The following AGO3 variants were observed in gnomAD, a reference collection of about 807,000 sequenced individuals.
AGO3 encodes protein argonaute-3.
A neutral mutation model predicts 105.5 loss-of-function variants in AGO3; 16 were observed. The ratio of observed to expected loss-of-function variants is 0.15; its 90% confidence interval spans 0.10 to 0.23. The LOEUF is 0.23. Among genes scored for constraint, AGO3 ranks in the 10% least tolerant of loss-of-function variants. The pLI, the probability that AGO3 is intolerant of heterozygous loss-of-function variation, is 1.00. For missense variants in AGO3, 534 were observed against 1,088.0 expected (o/e 0.49, Z 7.16); for synonymous variants, 340 against 367.3 (o/e 0.93, Z 0.85).
At chr1:36,004,196 C>A (rs1640237264) in intron 5 of AGO3, 145 bp from the exon 6 acceptor site, 2 of 734,356 alleles carry the variant, frequency 2.7e-6, no homozygotes, top group Non-Finnish European at 4.0e-6. Flanking sequence ...CAAATTAAAA[C>A]TGCTTAATTT....
rs1201995192 is a variant in AGO3, at chr1:36,008,645, TAC to T, written c.794-43_794-42del. 3.8e-6 allele frequency: 6 copies of T among 1,568,662 alleles called. No individual in the cohort carries two copies. Among genetic ancestry groups the T allele is most frequent in the Non-Finnish European group, 5.3e-6 (6 of 1,142,554 alleles). On this transcript the variant is annotated intron_variant, in intron 6 of 18. Coordinates refer to ENST00000373191, the MANE Select transcript of AGO3 (RefSeq NM_024852.4). The surrounding 1 kb of genome is among the most constrained non-coding windows in gnomAD (Gnocchi z 5.1). ...ACAGGCTTTATAAGTATAAATATTTTACATGTGACAGTTCTGTAACCTCCATT... is the reference window on the plus strand; with the variant it reads ...ACAGGCTTTATAAGTATAAATATTTTATGTGACAGTTCTGTAACCTCCATT...
intron 1 of AGO3, among the ~76,000 whole-genome samples, chr1:35,940,806 C>A (rs879868891): frequency 6.6e-6 from 1 of 152,218 alleles, no homozygotes; most frequent in Non-Finnish European, 1.5e-5. Flanking sequence ...GTACCACTCT[C>A]TCCAGGTCCT....
At chr1:36,016,898 C>G (rs994248443) in intron 11 of AGO3, among the ~76,000 whole-genome samples, 4 of 152,030 alleles carry the variant, frequency 2.6e-5, no homozygotes, top group Non-Finnish European at 5.9e-5. Context: ...CTGTTGGGGC[C>G]TCATGCATGA....
At position 36,023,964 on chromosome 1, in the gene AGO3, A is replaced by G. The variant is rs1383362762; in HGVS notation, c.1407-3150A>G. Reference sequence around the variant, plus strand: ...CAGTTCAGTTTCTTTTTAATCAGCAATTTTCACATTACCTAACAATCTCTT... The same window carrying G: ...CAGTTCAGTTTCTTTTTAATCAGCAGTTTTCACATTACCTAACAATCTCTT... On this transcript the variant is annotated intron_variant, in intron 11 of 18. Transcript: ENST00000373191. Among the ~76,000 whole-genome samples, 6 of 151,920 alleles carry G rather than the reference A, an allele frequency of 3.9e-5. 1 individual carries two copies. In the South Asian group the frequency reaches 1.0e-3, roughly 26 times the overall value.
intron 12 of AGO3, among the ~76,000 whole-genome samples, chr1:36,029,623 C>T (rs917851299): frequency 2.0e-5 from 3 of 151,326 alleles, no homozygotes; most frequent in Admixed American, 6.6e-5. Context: ...GTCTCAATCT[C>T]ATGACCTTGT....
intron 5 of AGO3, among the ~76,000 whole-genome samples, chr1:35,990,854 G>C (rs1205308439): frequency 6.6e-6 from 1 of 152,192 alleles, no homozygotes; most frequent in East Asian, 1.9e-4. Context: ...AGTCCTTTCA[G>C]AGGTAGATCA....
intron 2 of AGO3, among the ~76,000 whole-genome samples, chr1:35,951,827 G>C (rs758468491): frequency 6.6e-6 from 1 of 152,186 alleles, no homozygotes; most frequent in Non-Finnish European, 1.5e-5. Flanking sequence ...TGGTGTTATA[G>C]TTGGATAGTA....
rs1028118374 is a variant in AGO3, at chr1:36,059,473, T to C, written c.*3728T>C. On this transcript the variant is annotated 3_prime_UTR_variant, in exon 19 of 19. Transcript: ENST00000373191. ...TCTGCTCCTGCCCTTGCTCACTAAC[T>C]ATATCATGAATGCTAGATTTTGGTC... The C allele has an allele frequency of 1.1e-4, 16 of 151,618 alleles. No homozygotes were observed. Among genetic ancestry groups the C allele is most frequent in the African/African-American group, 3.9e-4 (16 of 41,360 alleles). 9.4% of individuals were successfully genotyped at this position (151,618 alleles called of 1,614,324 possible).
chr1:35,935,756 G>T (rs1228983693), intron 1 of AGO3, among the ~76,000 whole-genome samples: 2 of 152,176 alleles, frequency 1.3e-5, no homozygotes, highest in Non-Finnish European at 2.9e-5. Flanking sequence ...TAGCCATCTA[G>T]TTTCACATCG....
At chr1:36,003,445 A>T (rs1640187388) in intron 5 of AGO3, among the ~76,000 whole-genome samples, 1 of 151,998 alleles carries the variant, frequency 6.6e-6, no homozygotes, top group Non-Finnish European at 1.5e-5. Flanking sequence ...CTGTAATCCC[A>T]GCACTTTGGG....
intron 5 of AGO3, among the ~76,000 whole-genome samples, chr1:35,990,957 A>G (rs1464150222): frequency 2.0e-5 from 3 of 152,228 alleles, no homozygotes; most frequent in African/African-American, 7.2e-5. Flanking sequence ...AAACAAGACC[A>G]ACTAAAGATA....
chr1:36,028,390 C>CG (rs2148835413), intron 12 of AGO3, among the ~76,000 whole-genome samples: 1 of 92,024 alleles, frequency 1.1e-5, no homozygotes, highest in African/African-American at 5.5e-5. Flanking sequence ...AATGCTATCC[C>CG]TCCCCCCCCC....
chr1:35,979,144 C>T (rs1458692685), intron 5 of AGO3, among the ~76,000 whole-genome samples: 1 of 152,084 alleles, frequency 6.6e-6, no homozygotes, highest in Non-Finnish European at 1.5e-5. Flanking sequence ...GCGGGCGGAT[C>T]ACGAGGTCAG....
chr1:36,034,103 C>A, intron 12 of AGO3, 71 bp from the exon 13 acceptor site: 1 of 1,373,324 alleles, frequency 7.3e-7, no homozygotes, highest in South Asian at 1.8e-5. Flanking sequence ...AACATAGTAG[C>A]TTTATTTTCA....
chr1:35,956,638 T>G (rs943954271), intron 2 of AGO3, among the ~76,000 whole-genome samples: 1 of 139,712 alleles, frequency 7.2e-6, no homozygotes, highest in African/African-American at 2.6e-5. Flanking sequence ...TCTTTTTTTG[T>G]TTTTTTTTTT....
chr1:35,984,993 AT>A (rs927583580), intron 5 of AGO3, among the ~76,000 whole-genome samples: 10 of 152,216 alleles, frequency 6.6e-5, no homozygotes, highest in Admixed American at 2.0e-4. Context: ...TATAGTTTTA[AT>A]TAAAATTCCA....
intron 17 of AGO3, among the ~76,000 whole-genome samples, chr1:36,044,394 T>TG (rs1337307447): frequency 5.3e-5 from 8 of 152,106 alleles, no homozygotes; most frequent in African/African-American, 1.7e-4. Context: ...TTTAGTTTTT[T>TG]TTTGTTGTTG....
chr1:35,999,742 C>G (rs1386591994), intron 5 of AGO3, among the ~76,000 whole-genome samples: 1 of 152,022 alleles, frequency 6.6e-6, no homozygotes, highest in African/African-American at 2.4e-5. Context: ...ATTATTAATT[C>G]TGTAATTTGT....
chr1:36,001,603 T>A lies in AGO3; in HGVS notation c.659-2738T>A, dbSNP rs537440479. On this transcript the variant is annotated intron_variant, in intron 5 of 18. Transcript: ENST00000373191. ...AACATAGTGTGCAGCAATTAAAGGG[T>A]GTACTGACATGAAAAGATCTCTAAG... 9.2e-5 allele frequency among the ~76,000 whole-genome samples: 14 copies of A among 152,308 alleles called. No individual in the cohort carries two copies. In the South Asian group the frequency reaches 2.9e-3, roughly 32 times the overall value.
Sources: allele counts gnomAD v4.1 joint callset (sites outside exome capture counted in the v4.1 genomes callset), GRCh38; gene constraint gnomAD v4.1.1; non-coding constraint Gnocchi (gnomAD v3.1); transcripts MANE v1.5; gene names NCBI Gene and HGNC (gene_info 2026-07-23, HGNC 2026-07-21).